GARIN2: variants seen among roughly 807,000 people sequenced by gnomAD.
GARIN2 encodes the protein Golgi-associated RAB2 interactor protein 2.
At chr14:67,218,549 G>A in the GARIN2 span, among the ~76,000 whole-genome samples, 1 of 152,170 alleles carries the variant, frequency 6.6e-6, no homozygotes. Context: ...TGTTTCTCTG[G>A]TCCAGGATAT....
chr14:67,208,052 C>A, the GARIN2 span: 1 of 1,188,294 alleles, frequency 8.4e-7, no homozygotes, highest in Non-Finnish European at 1.1e-6. Flanking sequence ...AATGGTCGTG[C>A]CATTCTAAGC....
chr14:67,199,148 G>T, the GARIN2 span: 1 of 1,548,422 alleles, frequency 6.5e-7, no homozygotes, highest in South Asian at 1.1e-5. Flanking sequence ...AACCGCTACT[G>T]TGGGAACTGT....
the GARIN2 span, chr14:67,201,824 C>T: frequency 3.9e-6 from 1 of 257,650 alleles, no homozygotes; most frequent in Admixed American, 5.0e-5. Flanking sequence ...TATCATACAG[C>T]TGAGAAACTA....
the GARIN2 span, among the ~76,000 whole-genome samples, chr14:67,223,220 G>A: frequency 2.0e-5 from 3 of 152,110 alleles, no homozygotes; most frequent in South Asian, 4.2e-4. Context: ...GGCTGGTCTC[G>A]AACTCCTGAC....
At chr14:67,215,950 G>C in the GARIN2 span, among the ~76,000 whole-genome samples, 1 of 152,008 alleles carries the variant, frequency 6.6e-6, no homozygotes, top group Non-Finnish European at 1.5e-5. Context: ...CATTAGATTC[G>C]CTTTTAATGC....
the GARIN2 span, chr14:67,221,942 A>G: frequency 8.1e-6 from 9 of 1,114,514 alleles, no homozygotes; most frequent in East Asian, 2.6e-5. Context: ...TTTCTTCACT[A>G]TGCTCCATTC....
the GARIN2 span, among the ~76,000 whole-genome samples, chr14:67,220,903 T>G: frequency 6.6e-6 from 1 of 152,232 alleles, no homozygotes; most frequent in Admixed American, 6.5e-5. Flanking sequence ...CCCCTTAAAA[T>G]GGACCACAAT....
At chr14:67,198,969 G>A in the GARIN2 span, 4 of 702,948 alleles carry the variant, frequency 5.7e-6, no homozygotes, top group East Asian at 2.7e-5. Flanking sequence ...TAATACATTC[G>A]AGAAGCTGCT....
the GARIN2 span, among the ~76,000 whole-genome samples, chr14:67,213,792 G>A: frequency 6.6e-6 from 1 of 152,174 alleles, no homozygotes; most frequent in Admixed American, 6.5e-5. Context: ...TAGTGTAAAA[G>A]TGTTCCTATT....
the GARIN2 span, chr14:67,199,564 T>C: frequency 6.3e-7 from 1 of 1,598,116 alleles, no homozygotes; most frequent in Non-Finnish European, 8.6e-7. Flanking sequence ...AGTACCTCTG[T>C]AACCACCCTA....
chr14:67,201,424 C>G, the GARIN2 span: 1 of 455,950 alleles, frequency 2.2e-6, no homozygotes, highest in East Asian at 6.9e-5. Context: ...GCTCTGTCAC[C>G]TTCAAGCCAG....
chr14:67,207,265 G>T, the GARIN2 span, among the ~76,000 whole-genome samples: 3 of 152,136 alleles, frequency 2.0e-5, no homozygotes, highest in Non-Finnish European at 2.9e-5. Context: ...TCTGCTTCAG[G>T]TGAGGGCCTC....
chr14:67,225,958 TGTGTGCGCGCGC>T, the GARIN2 span, among the ~76,000 whole-genome samples: 37 of 130,106 alleles, frequency 2.8e-4, no homozygotes, highest in South Asian at 9.4e-4. Context: ...TGTGTGTGTG[TGTGTGCGCGCGC>T]GCGCGTGCGC....
At chr14:67,193,916 G>A in the GARIN2 span, among the ~76,000 whole-genome samples, 3 of 135,356 alleles carry the variant, frequency 2.2e-5, no homozygotes, top group African/African-American at 8.9e-5. Context: ...CTGCACTCCA[G>A]CCTGTGTGAC....
At chr14:67,206,192 A>G in the GARIN2 span, among the ~76,000 whole-genome samples, 6 of 151,884 alleles carry the variant, frequency 4.0e-5, no homozygotes, top group South Asian at 1.3e-3. Context: ...AAAAAACACA[A>G]AACAAAAGAA....
chr14:67,218,239 C>T, the GARIN2 span, among the ~76,000 whole-genome samples: 2 of 152,164 alleles, frequency 1.3e-5, no homozygotes, highest in African/African-American at 4.8e-5. Context: ...AGCATGATCA[C>T]ACAGTTGTTG....
At chr14:67,200,592 T>G in the GARIN2 span, 1 of 215,000 alleles carries the variant, frequency 4.7e-6, no homozygotes, top group Admixed American at 6.3e-5. Context: ...ATTAACACGT[T>G]CTCTGCACTC....
the GARIN2 span, among the ~76,000 whole-genome samples, chr14:67,207,041 TA>T: frequency 6.6e-6 from 1 of 152,194 alleles, no homozygotes. Context: ...AAATACGCTA[TA>T]ATAAATATGT....
chr14:67,210,442 C>G, the GARIN2 span, among the ~76,000 whole-genome samples: 1 of 151,012 alleles, frequency 6.6e-6, no homozygotes, highest in Non-Finnish European at 1.5e-5. Flanking sequence ...AGAAGAAGAA[C>G]AAAGAAAAAA....
Sources: allele counts gnomAD v4.1 joint callset (sites outside exome capture counted in the v4.1 genomes callset), GRCh38; gene constraint gnomAD v4.1.1; transcripts MANE v1.5; gene names NCBI Gene and HGNC (gene_info 2026-07-23, HGNC 2026-07-21).